Variants in TDRD12 observed in about 807,000 individuals in gnomAD.
The protein encoded by TDRD12 is putative ATP-dependent RNA helicase TDRD12.
TDRD12 carries 158 observed loss-of-function variants against 133.5 expected under a neutral mutation model. The ratio of observed to expected loss-of-function variants is 1.18; its 90% CI spans 1.04 to 1.35. The LOEUF is 1.35. Among genes scored for constraint, TDRD12 ranks in the 40% most tolerant of loss-of-function variants. The pLI is 0.00. For missense variants in TDRD12, 1,443 were observed against 1,321.3 expected, an observed-to-expected ratio of 1.09 and a Z score of -1.43; for synonymous variants, 460 against 477.9, an observed-to-expected ratio of 0.96 and a Z score of 0.49.
chr19:32,766,563 T>C (rs1419209077), intron 8 of TDRD12, among the ~76,000 whole-genome samples: 2 of 152,190 alleles, frequency 1.3e-5, no homozygotes, highest in Non-Finnish European at 2.9e-5. Context: ...TTTGCTTTCT[T>C]TTGGATTAAG....
intron 11 of TDRD12, among the ~76,000 whole-genome samples, chr19:32,777,515 T>C (rs1970616573): frequency 6.6e-6 from 1 of 152,124 alleles, no homozygotes; most frequent in Non-Finnish European, 1.5e-5. Flanking sequence ...TTAGATACAG[T>C]TGATCTTTTG....
At chr19:32,767,231 C>G (rs775915069) in intron 8 of TDRD12, among the ~76,000 whole-genome samples, 1 of 151,100 alleles carries the variant, frequency 6.6e-6, no homozygotes, top group African/African-American at 2.4e-5. Flanking sequence ...TGGGTTCAAG[C>G]GATTCTCCTG....
chr19:32,795,072 C>T (rs368933090), intron 14 of TDRD12, among the ~76,000 whole-genome samples: 2 of 152,008 alleles, frequency 1.3e-5, no homozygotes, highest in Non-Finnish European at 2.9e-5. Flanking sequence ...CGGTGGCTCA[C>T]GCCTGTAATC....
intron 23 of TDRD12, 69 bp downstream of exon 23, chr19:32,810,346 A>G (rs1337324095): frequency 1.5e-6 from 2 of 1,290,692 alleles, no homozygotes; most frequent in African/African-American, 3.0e-5. Context: ...TTGAGTTCCG[A>G]TTTTGACCTC....
At chr19:32,749,264 G>A (rs1196992215) in intron 5 of TDRD12, among the ~76,000 whole-genome samples, 1 of 152,106 alleles carries the variant, frequency 6.6e-6, no homozygotes, top group Non-Finnish European at 1.5e-5. Context: ...TCTGGAGGAG[G>A]CCGGCCACTT....
At chr19:32,809,850 A>G (rs1306387227) in intron 22 of TDRD12, among the ~76,000 whole-genome samples, 4 of 152,278 alleles carry the variant, frequency 2.6e-5, no homozygotes, top group African/African-American at 9.6e-5. Context: ...AAGTTTTAAA[A>G]TAATGAAATT....
At chr19:32,810,195 T>G in exon 23 of TDRD12, 1 of 1,536,130 alleles carries the variant, frequency 6.5e-7, no homozygotes, top group Non-Finnish European at 8.7e-7. Context: ...GAATGAGTAT[T>G]TTAAGGATTC....
chr19:32,773,606 G>C (rs778223751), intron 10 of TDRD12, 74 bp downstream of exon 10: 9 of 1,373,622 alleles, frequency 6.6e-6, no homozygotes, highest in Non-Finnish European at 8.1e-6. Flanking sequence ...GCTGAGCTGG[G>C]GGGATCGCTT....
intron 6 of TDRD12, among the ~76,000 whole-genome samples, chr19:32,752,527 C>T (rs1441124132): frequency 6.6e-6 from 1 of 152,072 alleles, no homozygotes; most frequent in Non-Finnish European, 1.5e-5. Context: ...ACCCTCCCTC[C>T]TCCCCCATAT....
At position 32,773,500 on chromosome 19, in the gene TDRD12, C is replaced by A; in HGVS notation, c.1008C>A (p.Thr336=). Residue 336 remains threonine, a synonymous_variant, in exon 10 of 28, where the codon ACC becomes ACA. Coordinates refer to ENST00000444215, the Ensembl canonical transcript of TDRD12. ...ACTGGCCAGCAAAAAGAGGCATAAC[C>A]ATATATGCTGATCCAGATGTACCAG... is the stretch of plus-strand genomic sequence containing the variant. 3 of 1,551,742 alleles carry A rather than the reference C, an allele frequency of 1.9e-6. No individual in the cohort carries two copies. The East Asian group carries it at 7.3e-5, about 38-fold the overall frequency.
chr19:32,790,783 G>T, intron 12 of TDRD12, 181 bp from the exon 13 acceptor site: 1 of 1,487,442 alleles, frequency 6.7e-7, no homozygotes. Flanking sequence ...TTGTTTTTTG[G>T]ATAATAAACG....
At chr19:32,748,356 A>T in intron 4 of TDRD12, 120 bp from the exon 5 acceptor site, 1 of 997,898 alleles carries the variant, frequency 1.0e-6, no homozygotes, top group Non-Finnish European at 1.5e-6. Context: ...GTGCCCCATC[A>T]TCTGCATCAC....
chr19:32,795,942 C>T (rs1971212742), intron 14 of TDRD12, among the ~76,000 whole-genome samples: 1 of 152,114 alleles, frequency 6.6e-6, no homozygotes, highest in Admixed American at 6.5e-5. Flanking sequence ...GAGAAACTGC[C>T]CCCATGAGCC....
At chr19:32,790,817 G>GTT in intron 12 of TDRD12, 147 bp from the exon 13 acceptor site, 40 of 1,309,076 alleles carry the variant, frequency 3.1e-5, no homozygotes, top group East Asian at 2.0e-4. Flanking sequence ...TAGTTTGGTG[G>GTT]TTTTTTTTTT....
At chr19:32,736,419 AT>A (rs1969225778) in intron 2 of TDRD12, among the ~76,000 whole-genome samples, 1 of 152,194 alleles carries the variant, frequency 6.6e-6, no homozygotes, top group South Asian at 2.1e-4. Flanking sequence ...ATTAGTGCTC[AT>A]TGACAGTGCA....
At chr19:32,726,476 A>T (rs11880352) in intron 1 of TDRD12, among the ~76,000 whole-genome samples, 90,133 of 152,066 alleles carry the variant, frequency 0.59, 27,680 homozygotes, top group East Asian at 0.82. Flanking sequence ...TATGAATTTG[A>T]CTACTCTGAG....
intron 4 of TDRD12, among the ~76,000 whole-genome samples, chr19:32,746,874 CTGTGTGTGTGTG>C: frequency 7.4e-6 from 1 of 135,752 alleles, no homozygotes; most frequent in East Asian, 2.3e-4. Flanking sequence ...TGTGGTTATT[CTGTGTGTGTGTG>C]TGTGAGAGAG....
intron 11 of TDRD12, among the ~76,000 whole-genome samples, chr19:32,779,021 A>G (rs1030394535): frequency 4.5e-4 from 68 of 152,118 alleles, no homozygotes; most frequent in African/African-American, 1.6e-3. Context: ...TGATCCTGGG[A>G]CCCTCCCCCT....
At chr19:32,802,778 C>T (rs1971438048) in exon 20 of TDRD12, 6 of 1,536,620 alleles carry the variant, frequency 3.9e-6, no homozygotes, top group African/African-American at 1.4e-5. Context: ...TGATCATTTT[C>T]ACGCTGAACA....
Sources: gnomAD v4.1 joint callset for allele counts (sites outside exome capture counted in the v4.1 genomes callset) on GRCh38, gnomAD v4.1.1 for gene constraint, MANE v1.5 for transcripts, NCBI Gene and HGNC (gene_info 2026-07-23, HGNC 2026-07-21) for gene names.